SLC71A1: variants seen among roughly 807,000 people sequenced by gnomAD.
SLC71A1 encodes the protein solute carrier family 71 member 1, also known as hippocampus abundant gene transcript 1.
At chr1:100,051,401 G>A in the SLC71A1 span, among the ~76,000 whole-genome samples, 1 of 150,466 alleles carries the variant, frequency 6.6e-6, no homozygotes, top group Non-Finnish European at 1.5e-5. Flanking sequence ...AAAATAAAAA[G>A]TCATTTTGAA....
the SLC71A1 span, among the ~76,000 whole-genome samples, chr1:100,060,481 C>T: frequency 6.6e-6 from 1 of 152,138 alleles, no homozygotes; most frequent in African/African-American, 2.4e-5. Context: ...TATGGCAGTT[C>T]CAGTGGAGCA....
chr1:100,060,935 T>A, the SLC71A1 span, among the ~76,000 whole-genome samples: 78 of 152,278 alleles, frequency 5.1e-4, no homozygotes, highest in East Asian at 0.014. Context: ...TGGTGTTATC[T>A]ACAAAGGCCC....
At chr1:100,038,390 C>T in the SLC71A1 span, 2 of 1,192,404 alleles carry the variant, frequency 1.7e-6, no homozygotes, top group Admixed American at 2.0e-5. Flanking sequence ...CCCACACTGC[C>T]GTCTCTAGGC....
the SLC71A1 span, chr1:100,079,198 C>T: frequency 1.3e-5 from 2 of 151,912 alleles, no homozygotes; most frequent in African/African-American, 4.8e-5. Flanking sequence ...GTCCCAGCCA[C>T]TTGGGAAGCT....
the SLC71A1 span, among the ~76,000 whole-genome samples, chr1:100,038,706 C>G: frequency 1.3e-5 from 2 of 152,152 alleles, no homozygotes; most frequent in Non-Finnish European, 2.9e-5. Flanking sequence ...CCCGCGGAGC[C>G]GTCGCCGCGC....
At chr1:100,048,314 G>A in the SLC71A1 span, among the ~76,000 whole-genome samples, 2 of 152,052 alleles carry the variant, frequency 1.3e-5, no homozygotes, top group Non-Finnish European at 2.9e-5. Flanking sequence ...TGAGTAGCTG[G>A]GATTACAGGC....
At chr1:100,079,577 A>T in the SLC71A1 span, 1 of 152,184 alleles carries the variant, frequency 6.6e-6, no homozygotes, top group Admixed American at 6.5e-5. Flanking sequence ...CAAAAATCAA[A>T]TGCTGTTAAA....
chr1:100,044,575 G>T, the SLC71A1 span, among the ~76,000 whole-genome samples: 1 of 148,358 alleles, frequency 6.7e-6, no homozygotes, highest in Middle Eastern at 3.6e-3. Context: ...GAGTGCAATG[G>T]CATGATCTTG....
At chr1:100,062,036 T>G in the SLC71A1 span, 1 of 747,032 alleles carries the variant, frequency 1.3e-6, no homozygotes, top group Non-Finnish European at 2.2e-6. Context: ...TGCAAACCTT[T>G]GCATTACAAG....
At chr1:100,074,552 C>T in the SLC71A1 span, among the ~76,000 whole-genome samples, 3 of 151,660 alleles carry the variant, frequency 2.0e-5, no homozygotes, top group African/African-American at 7.3e-5. Context: ...GCACTCCAGC[C>T]TGGGCAACAA....
chr1:100,051,046 C>A, the SLC71A1 span, among the ~76,000 whole-genome samples: 1 of 151,036 alleles, frequency 6.6e-6, no homozygotes, highest in South Asian at 2.1e-4. Context: ...TATCGTGCCA[C>A]CACACTCCAG....
the SLC71A1 span, chr1:100,038,467 C>T: frequency 2.9e-6 from 2 of 679,318 alleles, no homozygotes; most frequent in Admixed American, 2.4e-5. Flanking sequence ...CGCGGACCCG[C>T]ATGCCGCCGC....
chr1:100,077,893 T>C, the SLC71A1 span, among the ~76,000 whole-genome samples: 1 of 152,156 alleles, frequency 6.6e-6, no homozygotes, highest in Non-Finnish European at 1.5e-5. Context: ...CTGTTTGGAC[T>C]TGGATATAAG....
At chr1:100,075,443 TAA>T in the SLC71A1 span, among the ~76,000 whole-genome samples, 1 of 152,214 alleles carries the variant, frequency 6.6e-6, no homozygotes, top group African/African-American at 2.4e-5. Context: ...GGGATGTTCT[TAA>T]AAGTAGTTTC....
the SLC71A1 span, chr1:100,069,753 C>T: frequency 1.1e-6 from 1 of 906,530 alleles, no homozygotes; most frequent in Non-Finnish European, 1.8e-6. Context: ...GGGGCCTCAT[C>T]TAGTGATGGT....
chr1:100,072,367 G>C, the SLC71A1 span, among the ~76,000 whole-genome samples: 1 of 151,898 alleles, frequency 6.6e-6, no homozygotes, highest in East Asian at 1.9e-4. Context: ...CCCTTTTCTG[G>C]GTCCCCATGC....
At chr1:100,065,982 A>G in the SLC71A1 span, among the ~76,000 whole-genome samples, 7 of 152,004 alleles carry the variant, frequency 4.6e-5, 1 homozygote, top group African/African-American at 1.5e-4. Context: ...TAAGAGTGCT[A>G]TTTTTATGAA....
chr1:100,038,378 C>A, the SLC71A1 span: 6 of 1,320,864 alleles, frequency 4.5e-6, no homozygotes, highest in Non-Finnish European at 5.3e-6. Flanking sequence ...CTCCTTCAGA[C>A]CCCCACACTG....
chr1:100,072,418 A>G, the SLC71A1 span, among the ~76,000 whole-genome samples: 1 of 152,186 alleles, frequency 6.6e-6, no homozygotes, highest in South Asian at 2.1e-4. Flanking sequence ...AATACAGTGT[A>G]GTAGAGATTT....
Sources: gnomAD v4.1 joint callset for allele counts (sites outside exome capture counted in the v4.1 genomes callset) on GRCh38, gnomAD v4.1.1 for gene constraint, MANE v1.5 for transcripts, NCBI Gene and HGNC (gene_info 2026-07-23, HGNC 2026-07-21) for gene names.